DGKB: variants seen among roughly 807,000 people sequenced by gnomAD.
DGKB encodes the protein diacylglycerol kinase beta.
In DGKB, 67 loss-of-function variants were observed where a neutral mutation model predicts 114.3. That is an observed-to-expected ratio of 0.59 (90% CI 0.48 to 0.72). The LOEUF (loss-of-function observed/expected upper bound fraction) is 0.72, where lower values mean the gene tolerates loss of function less well. Ranked by LOEUF, DGKB falls within the 30% of genes least tolerant of loss-of-function variation. The pLI, the probability that DGKB is intolerant of heterozygous loss-of-function variation, is 0.00. For synonymous variants in DGKB, 398 were observed against 323.1 expected (o/e 1.23, Z -2.49); for missense variants, 907 against 975.2 (o/e 0.93, Z 0.93).
At chr7:14,391,735 C>A (rs1406762830) in intron 21 of DGKB, among the ~76,000 whole-genome samples, 1 of 152,018 alleles carries the variant, frequency 6.6e-6, no homozygotes, top group East Asian at 1.9e-4. Context: ...GGGCTCTTCT[C>A]CGTCTTTTAG....
At chr7:14,282,795 T>A (rs1460306369) in intron 23 of DGKB, among the ~76,000 whole-genome samples, 1 of 152,126 alleles carries the variant, frequency 6.6e-6, no homozygotes, top group Non-Finnish European at 1.5e-5. Flanking sequence ...AGAAAAGGCC[T>A]TTGACAAAAT....
chr7:14,944,591 T>C (rs1019965636), intron 1 of DGKB, among the ~76,000 whole-genome samples: 2 of 151,828 alleles, frequency 1.3e-5, no homozygotes, highest in African/African-American at 4.8e-5. Flanking sequence ...TTCTGGAAAT[T>C]TCATCCCAGT....
chr7:14,885,545 G>A (rs1854920074), intron 1 of DGKB, among the ~76,000 whole-genome samples: 1 of 151,796 alleles, frequency 6.6e-6, no homozygotes, highest in East Asian at 1.9e-4. Flanking sequence ...GGAGTGTACA[G>A]TGGCACATAG....
Position 14,785,812 on chromosome 7 carries a change from A to T in DGKB, c.71-28081T>A, listed in dbSNP as rs140342237. Among the ~76,000 whole-genome samples, 360 of 152,214 alleles carry T rather than the reference A, an allele frequency of 2.4e-3. 1 individual carries two copies. Among genetic ancestry groups the T allele is most frequent in the African/African-American group, 8.4e-3 (351 of 41,550 alleles). ...ACGTGAAATTAACCATTTATTTTAC[A>T]CTCCACAATATAGACTACATCAAAT... On this transcript the variant is annotated intron_variant, in intron 2 of 25. Transcript: ENST00000402815.
intron 2 of DGKB, among the ~76,000 whole-genome samples, chr7:14,822,165 T>A (rs1457493577): frequency 6.6e-6 from 1 of 152,162 alleles, no homozygotes; most frequent in Non-Finnish European, 1.5e-5. Context: ...AGCCATCCAA[T>A]TGAAGATGTC....
intron 1 of DGKB, among the ~76,000 whole-genome samples, chr7:14,841,716 G>T (rs1847958862): frequency 6.6e-6 from 1 of 151,880 alleles, no homozygotes; most frequent in Admixed American, 6.6e-5. Context: ...ATAAAATCTA[G>T]ACCTAAATTA....
At chr7:14,282,783 G>A (rs1379499903) in intron 23 of DGKB, among the ~76,000 whole-genome samples, 3 of 152,112 alleles carry the variant, frequency 2.0e-5, no homozygotes, top group African/African-American at 7.2e-5. Context: ...CTCAATAGAT[G>A]CAGAAAAGGC....
chr7:14,327,475 A>G (rs1291242743), intron 23 of DGKB, among the ~76,000 whole-genome samples: 2 of 152,174 alleles, frequency 1.3e-5, no homozygotes, highest in African/African-American at 4.8e-5. Flanking sequence ...AATGTATAAA[A>G]TATCTAACTC....
intron 20 of DGKB, among the ~76,000 whole-genome samples, chr7:14,513,712 A>G (rs923925780): frequency 6.6e-6 from 1 of 152,060 alleles, no homozygotes; most frequent in African/African-American, 2.4e-5. Context: ...GAATGTCTTT[A>G]TATGTAGGAA....
chr7:14,646,351 T>A (rs1282430409), intron 13 of DGKB, among the ~76,000 whole-genome samples: 1 of 152,076 alleles, frequency 6.6e-6, no homozygotes, highest in African/African-American at 2.4e-5. Context: ...AATAAACATA[T>A]ATATACACAC....
upstream of DGKB, among the ~76,000 whole-genome samples, chr7:14,907,842 TATTA>T (rs1783789590): frequency 6.6e-6 from 1 of 152,118 alleles, no homozygotes; most frequent in Admixed American, 6.5e-5. Context: ...TGATAAGTAA[TATTA>T]ATTAGGGGAG....
At chr7:14,388,918 T>C (rs922183903) in intron 21 of DGKB, among the ~76,000 whole-genome samples, 1 of 152,206 alleles carries the variant, frequency 6.6e-6, no homozygotes, top group Non-Finnish European at 1.5e-5. Context: ...TTTCAAGTGC[T>C]GTCCTTTACC....
intron 19 of DGKB, among the ~76,000 whole-genome samples, chr7:14,575,823 C>T (rs1393037300): frequency 6.6e-6 from 1 of 152,018 alleles, no homozygotes; most frequent in Non-Finnish European, 1.5e-5. Flanking sequence ...GCTATGAGTC[C>T]TCATTAGAGC....
intron 23 of DGKB, among the ~76,000 whole-genome samples, chr7:14,247,344 G>A (rs554064058): frequency 2.0e-5 from 3 of 152,030 alleles, no homozygotes; most frequent in Admixed American, 2.0e-4. Context: ...TCAACACATT[G>A]AGCTCATTTT....
chr7:14,591,484 T>C (rs1801697478), intron 17 of DGKB, among the ~76,000 whole-genome samples: 1 of 152,096 alleles, frequency 6.6e-6, no homozygotes, highest in Non-Finnish European at 1.5e-5. Flanking sequence ...GTATCTCCAA[T>C]AGCTATATTT....
chr7:14,457,968 G>A (rs2128860908), intron 21 of DGKB, among the ~76,000 whole-genome samples: 1 of 152,334 alleles, frequency 6.6e-6, no homozygotes, highest in South Asian at 2.1e-4. Flanking sequence ...CTCATCCAGT[G>A]TTCTCTGGAT....
intron 23 of DGKB, among the ~76,000 whole-genome samples, chr7:14,310,585 C>A (rs1288001600): frequency 6.6e-6 from 1 of 152,172 alleles, no homozygotes; most frequent in Non-Finnish European, 1.5e-5. Flanking sequence ...GCCAGGCACC[C>A]TTCTTCTTCC....
chr7:14,491,787 C>A (rs914466109), intron 20 of DGKB, among the ~76,000 whole-genome samples: 2 of 151,934 alleles, frequency 1.3e-5, no homozygotes, highest in Non-Finnish European at 2.9e-5. Context: ...TCTTTGTTCT[C>A]AAGAATAATA....
At chr7:14,862,476 TTTC>T (rs1384957478) in intron 1 of DGKB, among the ~76,000 whole-genome samples, 8 of 152,178 alleles carry the variant, frequency 5.3e-5, no homozygotes, top group Admixed American at 3.3e-4. Context: ...TTATAACAAC[TTTC>T]TGGGTGAGGT....
Sources: allele counts gnomAD v4.1 joint callset (sites outside exome capture counted in the v4.1 genomes callset), GRCh38; gene constraint gnomAD v4.1.1; transcripts MANE v1.5; gene names NCBI Gene and HGNC (gene_info 2026-07-23, HGNC 2026-07-21).